DPH7: variants seen among roughly 807,000 people sequenced by gnomAD.
DPH7 encodes diphthine methyltransferase.
In DPH7, 44 loss-of-function variants were observed where a neutral mutation model predicts 41.7. That is an observed-to-expected ratio of 1.05 (90% CI 0.83 to 1.36). DPH7 has a LOEUF of 1.36. Ranked by LOEUF, DPH7 falls within the 40% of genes most tolerant of loss-of-function variation. The pLI, the probability that DPH7 is intolerant of heterozygous loss-of-function variation, is 0.00. For missense variants in DPH7, 629 were observed against 577.5 expected (o/e 1.09, Z -0.91); for synonymous variants, 275 against 238.0 (o/e 1.16, Z -1.43).
At chr9:137,573,507 T>A (rs1368126643) in intron 5 of DPH7, among the ~76,000 whole-genome samples, 1 of 141,196 alleles carries the variant, frequency 7.1e-6, no homozygotes. Context: ...TGAAACCCCA[T>A]CTCTCTAAAA....
At chr9:137,578,045 C>T (rs1403894469) in intron 1 of DPH7, 6 of 977,548 alleles carry the variant, frequency 6.1e-6, no homozygotes, top group African/African-American at 1.8e-5. Context: ...TGGCCGGGGG[C>T]GGTGGCTCGT....
intron 2 of DPH7, among the ~76,000 whole-genome samples, chr9:137,577,168 C>T (rs2133230915): frequency 6.6e-6 from 1 of 152,280 alleles, no homozygotes; most frequent in East Asian, 1.9e-4. Flanking sequence ...CATAATTATG[C>T]CACACACCAC....
intron 3 of DPH7, 100 bp from the exon 4 acceptor site, chr9:137,574,943 C>T: frequency 1.3e-6 from 2 of 1,562,702 alleles, no homozygotes; most frequent in Non-Finnish European, 1.7e-6. Flanking sequence ...CCCTCATTTA[C>T]AACCTATGCG....
intron 8 of DPH7, among the ~76,000 whole-genome samples, chr9:137,559,678 C>G (rs1038680912): frequency 6.6e-5 from 10 of 152,230 alleles, no homozygotes; most frequent in Non-Finnish European, 1.2e-4. Flanking sequence ...TTCTCTCTCT[C>G]TCCTCTCCCT....
intron 1 of DPH7, chr9:137,577,948 T>G (rs1841714987): frequency 1.0e-6 from 1 of 983,884 alleles, no homozygotes; most frequent in African/African-American, 1.7e-5. Flanking sequence ...AAGATATAAT[T>G]CCCACTTTCT....
intron 5 of DPH7, among the ~76,000 whole-genome samples, chr9:137,573,114 C>A (rs977791135): frequency 6.6e-6 from 1 of 152,212 alleles, no homozygotes; most frequent in African/African-American, 2.4e-5. Context: ...GTAATCCCAG[C>A]ACTTTGGGAG....
intron 5 of DPH7, among the ~76,000 whole-genome samples, chr9:137,569,905 C>T (rs1483874476): frequency 1.3e-5 from 2 of 151,236 alleles, no homozygotes; most frequent in Non-Finnish European, 2.9e-5. Flanking sequence ...CTCCCACCCA[C>T]CATCCATCCA....
chr9:137,558,435 T>C (rs1488328624), intron 8 of DPH7, among the ~76,000 whole-genome samples: 1 of 151,300 alleles, frequency 6.6e-6, no homozygotes, highest in African/African-American at 2.4e-5. Flanking sequence ...AGCCAAAAGG[T>C]GAAAACAACC....
At chr9:137,577,954 T>G in intron 1 of DPH7, 1 of 984,556 alleles carries the variant, frequency 1.0e-6, no homozygotes, top group Non-Finnish European at 1.2e-6. Context: ...TAATTCCCAC[T>G]TTCTCTTTAC....
chr9:137,564,667 G>T, intron 7 of DPH7, 61 bp from the exon 8 acceptor site: 7 of 1,572,204 alleles, frequency 4.5e-6, no homozygotes, highest in South Asian at 2.3e-5. Context: ...GTTCCACAAG[G>T]CCCCTGGGGG....
intron 5 of DPH7, 130 bp downstream of exon 5, chr9:137,574,078 C>A: frequency 9.5e-7 from 1 of 1,050,018 alleles, no homozygotes; most frequent in Non-Finnish European, 1.4e-6. Flanking sequence ...AAAAAAAGTA[C>A]ACTTTCCATA....
At chr9:137,577,447 C>A (rs1382958691) in intron 2 of DPH7, 23 bp downstream of exon 2, 1 of 1,610,158 alleles carries the variant, frequency 6.2e-7, no homozygotes, top group African/African-American at 1.3e-5. Flanking sequence ...ATTCTACACC[C>A]AGTGGGATTA....
At chr9:137,576,697 T>C (rs2133220770) in intron 2 of DPH7, among the ~76,000 whole-genome samples, 1 of 152,190 alleles carries the variant, frequency 6.6e-6, no homozygotes, top group African/African-American at 2.4e-5. Flanking sequence ...AAGACCATCC[T>C]AATAACATGG....
chr9:137,574,416 A>G, intron 4 of DPH7, 36 bp from the exon 5 acceptor site: 1 of 1,602,626 alleles, frequency 6.2e-7, no homozygotes, highest in Non-Finnish European at 8.5e-7. Flanking sequence ...GCCCGGCAGA[A>G]TGTTATTCGT....
chr9:137,564,819 G>T, intron 7 of DPH7, 74 bp downstream of exon 7: 1 of 1,519,348 alleles, frequency 6.6e-7, no homozygotes, highest in East Asian at 2.4e-5. Flanking sequence ...AGCGAAAGAG[G>T]GAAGAAGGGC....
At chr9:137,563,858 G>A (rs145336352) in intron 8 of DPH7, among the ~76,000 whole-genome samples, 3 of 152,284 alleles carry the variant, frequency 2.0e-5, no homozygotes, top group East Asian at 1.9e-4. Context: ...GACAGTGGGG[G>A]ATTACTGCCT....
chr9:137,578,769 G>T lies in DPH7; in HGVS notation c.9C>A (p.Gly3=). The part of the protein sequence containing the change: MM[G]CFALQTVDTE... ...TGTCCACCGTTTGCAGGGCGAAACA[G>T]CCCATCATCCAGCCCTCGGGGAAGG... is the stretch of plus-strand genomic sequence containing the variant. The change falls in exon 1 of 9, where the codon GGC becomes GGA. Residue 3 remains glycine, a synonymous_variant. Coordinates refer to ENST00000277540, the MANE Select transcript of DPH7 (RefSeq NM_138778.5). 1 of 1,500,032 alleles carries T rather than the reference G, an allele frequency of 6.7e-7. No individual in the cohort carries two copies. The highest frequency in any genetic ancestry group is 8.9e-7 in the Non-Finnish European group (1 of 1,124,634). 92.9% of individuals were successfully genotyped at this position (1,500,032 alleles called of 1,614,324 possible).
chr9:137,574,610 TCATAATAGGA>T, intron 4 of DPH7, 132 bp downstream of exon 4: 1 of 919,482 alleles, frequency 1.1e-6, no homozygotes, highest in Non-Finnish European at 1.7e-6. Flanking sequence ...GACCTTTTTT[TCATAATAGGA>T]CTGGCAGTGA....
chr9:137,563,493 C>G (rs1422864394), intron 8 of DPH7, among the ~76,000 whole-genome samples: 3 of 144,938 alleles, frequency 2.1e-5, no homozygotes, highest in African/African-American at 7.8e-5. Context: ...GATCGCACCA[C>G]TGCACTCCAG....
Sources: allele counts gnomAD v4.1 joint callset (sites outside exome capture counted in the v4.1 genomes callset), GRCh38; gene constraint gnomAD v4.1.1; transcripts MANE v1.5; gene names NCBI Gene and HGNC (gene_info 2026-07-23, HGNC 2026-07-21).